The following PRKN variants were observed in gnomAD, a reference collection of about 807,000 sequenced individuals.
The protein encoded by PRKN is E3 ubiquitin-protein ligase parkin.
In PRKN, 56 loss-of-function variants were observed where a neutral mutation model predicts 59.5. The ratio of observed to expected loss-of-function variants is 0.94; its 90% CI spans 0.76 to 1.18. PRKN has a LOEUF of 1.18. PRKN is among the 50% of genes most tolerant of loss of function. The pLI is 0.00. For synonymous variants in PRKN, 250 were observed against 222.1 expected, an observed-to-expected ratio of 1.13 and a Z score of -1.12; for missense variants, 657 against 596.4, an observed-to-expected ratio of 1.10 and a Z score of -1.06.
At chr6:161,899,135 T>G (rs1777782327) in intron 6 of PRKN, among the ~76,000 whole-genome samples, 1 of 152,196 alleles carries the variant, frequency 6.6e-6, no homozygotes, top group Admixed American at 6.5e-5. Context: ...GCCCAGACAG[T>G]GACTGTGGAG....
chr6:161,502,122 C>T lies in PRKN; in HGVS notation c.1083+46732G>A, dbSNP rs935513105. ...ACTGCTTTTTGTGGATCACATGAAGCAACTCTGAAATGCATTATCCTGATC... is the reference window on the plus strand; with the variant it reads ...ACTGCTTTTTGTGGATCACATGAAGTAACTCTGAAATGCATTATCCTGATC... On this transcript the variant is annotated intron_variant, in intron 9 of 11. Transcript: ENST00000366898. This position sits in a 1 kb window ranked among gnomAD's most constrained non-coding sequence, Gnocchi z 4.0. Among the ~76,000 whole-genome samples, 1 of 152,136 alleles carries T rather than the reference C, an allele frequency of 6.6e-6. No individual in the cohort carries two copies. Among genetic ancestry groups the T allele is most frequent in the African/African-American group, 2.4e-5 (1 of 41,410 alleles).
intron 7 of PRKN, among the ~76,000 whole-genome samples, chr6:161,743,870 C>T (rs1478820245): frequency 6.6e-6 from 1 of 152,162 alleles, no homozygotes; most frequent in Admixed American, 6.5e-5. Context: ...TGGAGGCTTG[C>T]CCTATGGTCC....
At chr6:162,074,486 G>C (rs1336602141) in intron 4 of PRKN, among the ~76,000 whole-genome samples, 1 of 151,310 alleles carries the variant, frequency 6.6e-6, no homozygotes, top group Non-Finnish European at 1.5e-5. Context: ...GTTGTGTGGT[G>C]GGGGGAGGGG....
chr6:162,232,610 G>T (rs1447507197), intron 3 of PRKN, among the ~76,000 whole-genome samples: 2 of 152,156 alleles, frequency 1.3e-5, no homozygotes, highest in Non-Finnish European at 2.9e-5. Flanking sequence ...TTGAGATTAA[G>T]CCAGTCACTT....
intron 2 of PRKN, among the ~76,000 whole-genome samples, chr6:162,301,787 G>GA: frequency 8.6e-6 from 1 of 116,574 alleles, no homozygotes; most frequent in South Asian, 2.8e-4. Context: ...CCGGGGCGGG[G>GA]GGGGGGTGCA....
rs1202048708 is a variant in PRKN, at chr6:161,488,572, A to C, written c.1083+60282T>G. Among the ~76,000 whole-genome samples the C allele has an allele frequency of 1.3e-5, 2 of 152,048 alleles. No individual in the cohort carries two copies. The highest frequency in any genetic ancestry group is 2.4e-5 in the African/African-American group (1 of 41,412). On this transcript the variant is annotated intron_variant, in intron 9 of 11. Coordinates refer to ENST00000366898, the MANE Select transcript of PRKN (RefSeq NM_004562.3). This position sits in a 1 kb window ranked among gnomAD's most constrained non-coding sequence, Gnocchi z 4.5. ...TGGTGCCATCATAGCTCACTGCATGAATTCCTGGGCTCAAGTGATCTTCCT... is the reference window on the plus strand; with the variant it reads ...TGGTGCCATCATAGCTCACTGCATGCATTCCTGGGCTCAAGTGATCTTCCT...
At chr6:162,183,140 T>C (rs751402426) in intron 4 of PRKN, among the ~76,000 whole-genome samples, 60 of 152,210 alleles carry the variant, frequency 3.9e-4, no homozygotes, top group Admixed American at 1.8e-3. Context: ...AGCACGGTGC[T>C]ACCTTCAGCA....
intron 2 of PRKN, among the ~76,000 whole-genome samples, chr6:162,303,172 T>C (rs552776441): frequency 3.1e-4 from 47 of 152,312 alleles, no homozygotes; most frequent in Non-Finnish European, 5.6e-4. Context: ...TATTAAATAG[T>C]GAAAATCTAG....
intron 4 of PRKN, among the ~76,000 whole-genome samples, chr6:162,185,247 T>A (rs922901342): frequency 6.6e-6 from 1 of 152,188 alleles, no homozygotes; most frequent in African/African-American, 2.4e-5. Flanking sequence ...TGAAAATAAA[T>A]GCCCACTAAA....
chr6:162,498,945 G>A (rs559210797), intron 1 of PRKN, among the ~76,000 whole-genome samples: 4 of 152,146 alleles, frequency 2.6e-5, no homozygotes, highest in African/African-American at 7.2e-5. Context: ...TCATTCATTC[G>A]TTTGCTCATC....
At chr6:161,716,638 T>G (rs570759581) in intron 7 of PRKN, among the ~76,000 whole-genome samples, 1 of 152,208 alleles carries the variant, frequency 6.6e-6, no homozygotes, top group Non-Finnish European at 1.5e-5. Context: ...ACAAAGGCTA[T>G]GTACTTAAGA....
intron 6 of PRKN, 131 bp from the exon 7 acceptor site, chr6:161,786,039 G>A (rs1010305422): frequency 2.3e-6 from 2 of 870,062 alleles, no homozygotes; most frequent in Non-Finnish European, 3.7e-6. Context: ...GAGCTGCTAA[G>A]CATTAAGCTC....
chr6:161,750,098 CATATATATATATATAT>C (rs72125109), intron 7 of PRKN, among the ~76,000 whole-genome samples: 2 of 145,186 alleles, frequency 1.4e-5, no homozygotes, highest in African/African-American at 2.6e-5. Flanking sequence ...ACACATAGGA[CATATATATATATATAT>C]ATATACACAC....
intron 5 of PRKN, among the ~76,000 whole-genome samples, chr6:162,009,919 G>T (rs1467326082): frequency 6.6e-6 from 1 of 151,524 alleles, no homozygotes. Flanking sequence ...CTGGGTGACA[G>T]AGCAAGACTC....
intron 9 of PRKN, among the ~76,000 whole-genome samples, chr6:161,494,045 A>T (rs1214250139): frequency 6.6e-6 from 1 of 152,224 alleles, no homozygotes; most frequent in African/African-American, 2.4e-5. Context: ...GGAGACAGAA[A>T]CTGAAAAATA....
intron 5 of PRKN, among the ~76,000 whole-genome samples, chr6:161,981,459 C>A (rs1020806528): frequency 6.6e-6 from 1 of 152,086 alleles, no homozygotes; most frequent in African/African-American, 2.4e-5. Flanking sequence ...GCAGGAGGAT[C>A]GCTTGAGCCC....
chr6:161,672,911 A>G (rs1400693837), intron 7 of PRKN, among the ~76,000 whole-genome samples: 5 of 152,224 alleles, frequency 3.3e-5, no homozygotes, highest in Admixed American at 2.0e-4. Flanking sequence ...AAATTATTAT[A>G]AAGTGTTTTC....
At chr6:162,345,149 G>A (rs577316877) in intron 2 of PRKN, among the ~76,000 whole-genome samples, 5 of 152,116 alleles carry the variant, frequency 3.3e-5, no homozygotes, top group African/African-American at 7.2e-5. Flanking sequence ...GAATAACTCC[G>A]AATACAACAC....
At position 161,373,228 on chromosome 6, in the gene PRKN, G is replaced by T. The variant is rs1344896023; in HGVS notation, c.1168-13023C>A. Among the ~76,000 whole-genome samples, 3 of 152,144 alleles carry T rather than the reference G, an allele frequency of 2.0e-5. No homozygotes were observed. Among genetic ancestry groups the T allele is most frequent in the Admixed American group, 2.0e-4 (3 of 15,282 alleles). On this transcript the variant is annotated intron_variant, in intron 10 of 11. Coordinates refer to ENST00000366898, the MANE Select transcript of PRKN (RefSeq NM_004562.3). This position sits in a 1 kb window ranked among gnomAD's most constrained non-coding sequence, Gnocchi z 4.8. ...TCTCCTTGACCTCAAAGTTAACTGA[G>T]TATAGATGTTAACCACGTCTACAAA...
Sources: gnomAD v4.1 joint callset for allele counts (sites outside exome capture counted in the v4.1 genomes callset) on GRCh38, gnomAD v4.1.1 for gene constraint, Gnocchi (gnomAD v3.1) non-coding constraint, MANE v1.5 for transcripts, NCBI Gene and HGNC (gene_info 2026-07-23, HGNC 2026-07-21) for gene names.